CTNNBIP1: variants seen among roughly 807,000 people sequenced by gnomAD.
CTNNBIP1 encodes the protein beta-catenin-interacting protein 1.
A neutral mutation model predicts 11.8 loss-of-function variants in CTNNBIP1; 7 were observed. The ratio of observed to expected loss-of-function variants is 0.60; its 90% CI spans 0.34 to 1.12. The LOEUF is 1.12. Ranked by LOEUF, CTNNBIP1 falls within the 50% of genes most tolerant of loss-of-function variation. The pLI is 0.03. For missense variants in CTNNBIP1, 101 were observed against 113.4 expected (o/e 0.89, Z 0.50); for synonymous variants, 58 against 43.9 (o/e 1.32, Z -1.26).
intron 5 of CTNNBIP1, among the ~76,000 whole-genome samples, chr1:9,870,314 A>G (rs1638834887): frequency 6.6e-6 from 1 of 152,352 alleles, no homozygotes; most frequent in African/African-American, 2.4e-5. Flanking sequence ...GACTCTATGG[A>G]GATGCTGGTC....
At chr1:9,907,527 T>C (rs139501418) in intron 1 of CTNNBIP1, among the ~76,000 whole-genome samples, 4 of 152,272 alleles carry the variant, frequency 2.6e-5, no homozygotes, top group Admixed American at 2.0e-4. Context: ...CTACCTACCA[T>C]GAGAACAGGC....
In CTNNBIP1 at chr1:9,871,102, GC is replaced by G; in HGVS notation, c.187+84del. On this transcript the variant is annotated intron_variant, in intron 5 of 5. Coordinates refer to ENST00000377263, the MANE Select transcript of CTNNBIP1 (RefSeq NM_020248.3). This position sits in a 1 kb window ranked among gnomAD's most constrained non-coding sequence, Gnocchi z 5.2. Reference sequence around the variant, plus strand: ...TCTCATGGATCACCCATCAAAGAGGGCTGGAGCTACGCTTTCTAAGGGAACC... The same window carrying G: ...TCTCATGGATCACCCATCAAAGAGGGTGGAGCTACGCTTTCTAAGGGAACC... 1 of 1,014,320 alleles carries G rather than the reference GC, an allele frequency of 9.9e-7. No homozygotes were observed. The highest frequency in any genetic ancestry group is 1.5e-6 in the Non-Finnish European group (1 of 682,686). The allele number at this position is 1,014,320 out of a possible 1,614,324, so 62.8% of individuals were successfully genotyped here.
intron 2 of CTNNBIP1, among the ~76,000 whole-genome samples, chr1:9,880,632 C>T (rs1639062173): frequency 6.6e-6 from 1 of 152,170 alleles, no homozygotes; most frequent in Admixed American, 6.5e-5. Context: ...CACAGCCTCG[C>T]CAGCATTTAT....
At chr1:9,892,426 A>C (rs1172131542) in intron 1 of CTNNBIP1, among the ~76,000 whole-genome samples, 1 of 151,254 alleles carries the variant, frequency 6.6e-6, no homozygotes, top group East Asian at 1.9e-4. Flanking sequence ...CGTCTAAAAA[A>C]AAAAAAAAAA....
chr1:9,861,100 C>T (rs1282538399), intron 5 of CTNNBIP1, among the ~76,000 whole-genome samples: 2 of 152,250 alleles, frequency 1.3e-5, no homozygotes, highest in South Asian at 2.1e-4. Flanking sequence ...ACAACGCCCA[C>T]TCTGTGTCTC....
At chr1:9,901,202 T>C (rs1018396506) in intron 1 of CTNNBIP1, among the ~76,000 whole-genome samples, 4 of 152,236 alleles carry the variant, frequency 2.6e-5, no homozygotes, top group African/African-American at 9.6e-5. Flanking sequence ...TCTCATTTCA[T>C]ATTCCTGCAG....
intron 5 of CTNNBIP1, among the ~76,000 whole-genome samples, chr1:9,856,973 T>C (rs187838466): frequency 6.6e-6 from 1 of 151,050 alleles, no homozygotes; most frequent in Non-Finnish European, 1.5e-5. Context: ...AAATAAAAAA[T>C]TAGCAGGGTG....
intron 1 of CTNNBIP1, among the ~76,000 whole-genome samples, chr1:9,894,342 A>G (rs58389844): frequency 0.034 from 5,194 of 152,128 alleles, 280 homozygotes; most frequent in African/African-American, 0.12. Flanking sequence ...TTAACACCCC[A>G]AGGAATTCTT....
chr1:9,888,878 G>A (rs1639240828), intron 1 of CTNNBIP1, among the ~76,000 whole-genome samples: 1 of 152,232 alleles, frequency 6.6e-6, no homozygotes, highest in Non-Finnish European at 1.5e-5. Flanking sequence ...CCTTTCGGAA[G>A]GTTCTGGGAG....
chr1:9,886,456 A>C (rs542981891), intron 1 of CTNNBIP1, among the ~76,000 whole-genome samples: 1 of 152,326 alleles, frequency 6.6e-6, no homozygotes, highest in Non-Finnish European at 1.5e-5. Context: ...GGTCGAGAGC[A>C]CTGCTTTAAA....
chr1:9,898,425 G>A (rs763276132), intron 1 of CTNNBIP1, among the ~76,000 whole-genome samples: 8 of 152,162 alleles, frequency 5.3e-5, no homozygotes, highest in Non-Finnish European at 1.0e-4. Flanking sequence ...TCAGGAGGCT[G>A]AGGCACAAGA....
intron 1 of CTNNBIP1, among the ~76,000 whole-genome samples, chr1:9,907,287 C>T (rs1639636964): frequency 6.6e-6 from 1 of 152,242 alleles, no homozygotes; most frequent in Non-Finnish European, 1.5e-5. Context: ...TCTCCTGCCT[C>T]AGCCTCTCGA....
Position 9,849,386 on chromosome 1 carries a change from C to A in CTNNBIP1, c.*1332G>T, listed in dbSNP as rs1305157013. On this transcript the variant is annotated 3_prime_UTR_variant, in exon 6 of 6. Coordinates refer to ENST00000377263, the MANE Select transcript of CTNNBIP1 (RefSeq NM_020248.3). ...CCTTCCAGGCTGACCTGGAGAGAGA[C>A]CCTTCCAAAGGCAGTGGAGTGGAGG... 6.6e-6 allele frequency: 1 copy of A among 152,318 alleles called. No individual in the cohort carries two copies. Among genetic ancestry groups the A allele is most frequent in the Non-Finnish European group, 1.5e-5 (1 of 68,110 alleles). 9.4% of individuals were successfully genotyped at this position (152,318 alleles called of 1,614,324 possible).
rs151272715 is a variant in CTNNBIP1 at position 9,887,373 on chromosome 1, C to T, written c.-143-3635G>A. ...TGCTTTCCCTCTCTCCTAACAGCCCCTTCTGGCTCAGGAGTTGACAGACGC... is the reference window on the plus strand; with the variant it reads ...TGCTTTCCCTCTCTCCTAACAGCCCTTTCTGGCTCAGGAGTTGACAGACGC... On this transcript the variant is annotated intron_variant, in intron 1 of 5. Coordinates refer to ENST00000377263, the MANE Select transcript of CTNNBIP1 (RefSeq NM_020248.3). Among the ~76,000 whole-genome samples the T allele has an allele frequency of 3.8e-3, 581 of 152,344 alleles. 4 individuals carry two copies. The highest frequency in any genetic ancestry group is 0.013 in the African/African-American group (555 of 41,594).
At chr1:9,868,022 C>T (rs1023965109) in intron 5 of CTNNBIP1, among the ~76,000 whole-genome samples, 2 of 152,148 alleles carry the variant, frequency 1.3e-5, no homozygotes, top group Admixed American at 1.3e-4. Context: ...TCGTTAGGCT[C>T]GCAAAGAAAA....
rs1319793034 is a variant in CTNNBIP1, at chr1:9,863,339, A to G, written c.187+7848T>C. Among the ~76,000 whole-genome samples the G allele has an allele frequency of 8.5e-5, 13 of 152,236 alleles. No homozygotes were observed. The East Asian group carries it at 1.3e-3, about 16-fold the overall frequency. On this transcript the variant is annotated intron_variant, in intron 5 of 5. Transcript: ENST00000377263. ...CATATAAGTGTTGATTAAAGTTAAC[A>G]AAGATTAGCTTCCCATCTCATAGAC...
In CTNNBIP1 at chr1:9,873,636, T is replaced by A. The variant is rs150101051; in HGVS notation, c.-24-1548A>T. On this transcript the variant is annotated intron_variant, in intron 3 of 5. Coordinates refer to ENST00000377263, the MANE Select transcript of CTNNBIP1 (RefSeq NM_020248.3). ...GGATGATGATGCGGTCTCCACCTCTTCCCCAGTGGCCACCTGGATCTGGGT... is the reference window on the plus strand; with the variant it reads ...GGATGATGATGCGGTCTCCACCTCTACCCCAGTGGCCACCTGGATCTGGGT... 6.6e-3 allele frequency among the ~76,000 whole-genome samples: 1,008 copies of A among 152,260 alleles called. 14 individuals carry two copies. Among genetic ancestry groups the A allele is most frequent in the African/African-American group, 0.023 (949 of 41,542 alleles).
In CTNNBIP1 at chr1:9,851,303, G is replaced by A. The variant is rs779398840; in HGVS notation, c.188-527C>T. Among the ~76,000 whole-genome samples the A allele has an allele frequency of 6.6e-5, 10 of 152,186 alleles. No individual in the cohort carries two copies. Among genetic ancestry groups the A allele is most frequent in the Non-Finnish European group, 1.3e-4 (9 of 68,042 alleles). ...TGGCCGGGCCCACGTCCAGCCTGCT[G>A]TCCGCCTGGCTCTGACTGAGACAGA... On this transcript the variant is annotated intron_variant, in intron 5 of 5. Transcript: ENST00000377263. The surrounding 1 kb of genome is among the most constrained non-coding windows in gnomAD (Gnocchi z 4.8).
intron 1 of CTNNBIP1, among the ~76,000 whole-genome samples, chr1:9,900,810 G>T (rs1027365195): frequency 1.3e-5 from 2 of 152,180 alleles, no homozygotes. Context: ...CAACTCCAGC[G>T]ATCGGCCAGA....
Sources: gnomAD v4.1 joint callset for allele counts (sites outside exome capture counted in the v4.1 genomes callset) on GRCh38, gnomAD v4.1.1 for gene constraint, Gnocchi (gnomAD v3.1) non-coding constraint, MANE v1.5 for transcripts, NCBI Gene and HGNC (gene_info 2026-07-23, HGNC 2026-07-21) for gene names.